Variants in AGBL2 observed in about 807,000 individuals in gnomAD.
The protein encoded by AGBL2 is cytosolic carboxypeptidase 2.
Under a neutral mutation model 103.0 loss-of-function variants are expected in AGBL2, and 87 were observed. That is an observed-to-expected ratio of 0.84 (90% confidence interval 0.71 to 1.01). The LOEUF (loss-of-function observed/expected upper bound fraction) is 1.01, where lower values mean the gene tolerates loss of function less well. AGBL2 is among the 50% of genes least tolerant of loss of function. The pLI, the probability that AGBL2 is intolerant of heterozygous loss-of-function variation, is 0.00. For missense variants in AGBL2, 904 were observed against 1,023.5 expected, an observed-to-expected ratio of 0.88 and a Z score of 1.59; for synonymous variants, 335 against 356.7, an observed-to-expected ratio of 0.94 and a Z score of 0.69.
intron 14 of AGBL2, among the ~76,000 whole-genome samples, chr11:47,670,903 G>A (rs1304009499): frequency 2.6e-5 from 4 of 151,926 alleles, no homozygotes; most frequent in Non-Finnish European, 5.9e-5. Flanking sequence ...GTTGAGCTGG[G>A]AGGATCATTT....
chr11:47,708,269 A>T (rs11819816), intron 4 of AGBL2, among the ~76,000 whole-genome samples: 140,817 of 151,420 alleles, frequency 0.93, 66,352 homozygotes, highest in East Asian at 1. Context: ...GGTTTCACCA[A>T]ATTGGCCAGG....
chr11:47,707,452 C>T (rs780494870), intron 4 of AGBL2, among the ~76,000 whole-genome samples: 5 of 152,152 alleles, frequency 3.3e-5, no homozygotes, highest in Non-Finnish European at 7.4e-5. Context: ...AAATAAATGG[C>T]ACCAGGCCAA....
chr11:47,685,201 C>T (rs71452745), intron 11 of AGBL2, among the ~76,000 whole-genome samples: 6,195 of 151,354 alleles, frequency 0.041, 194 homozygotes, highest in Non-Finnish European at 0.067. Flanking sequence ...AGCGAGACTC[C>T]GTCTCAAAAA....
Position 47,707,239 on chromosome 11 carries a change from A to G in AGBL2, c.233-1322T>C, listed in dbSNP as rs543861961. Among the ~76,000 whole-genome samples the G allele has an allele frequency of 2.1e-4, 32 of 152,248 alleles. No individual in the cohort carries two copies. The East Asian group carries it at 5.8e-3, about 28-fold the overall frequency. On this transcript the variant is annotated intron_variant, in intron 4 of 18. Coordinates refer to ENST00000525123, the MANE Select transcript of AGBL2 (RefSeq NM_024783.4). ...GTGTAAGCAAACGTATAAGATACAT[A>G]CCTGAAAAGGGAAATACTACATCAA...
At chr11:47,698,168 ATTTTT>A (rs35161992) in intron 8 of AGBL2, among the ~76,000 whole-genome samples, 7 of 79,836 alleles carry the variant, frequency 8.8e-5, no homozygotes, top group African/African-American at 1.6e-4. Flanking sequence ...AGTCTACATA[ATTTTT>A]TTTTTTTTTT....
intron 10 of AGBL2, among the ~76,000 whole-genome samples, chr11:47,688,739 T>C (rs190970726): frequency 6.6e-6 from 1 of 152,178 alleles, no homozygotes; most frequent in Non-Finnish European, 1.5e-5. Flanking sequence ...AAAACAGGTC[T>C]CAAACTCAGG....
chr11:47,686,446 G>GTTTT (rs1565044623), intron 10 of AGBL2, among the ~76,000 whole-genome samples: 2 of 128,060 alleles, frequency 1.6e-5, no homozygotes, highest in South Asian at 2.4e-4. Flanking sequence ...TTTTGTTTCT[G>GTTTT]GTTTTTTTTT....
At chr11:47,705,657 A>AAT in intron 5 of AGBL2, 23 bp from the exon 6 acceptor site, 1 of 555,378 alleles carries the variant, frequency 1.8e-6, no homozygotes, top group Non-Finnish European at 3.2e-6. Context: ...AAAAAAAAAA[A>AAT]GAAAAAGAAA....
intron 8 of AGBL2, among the ~76,000 whole-genome samples, chr11:47,695,845 ATTTC>A (rs2097467500): frequency 6.6e-6 from 1 of 151,570 alleles, no homozygotes; most frequent in East Asian, 1.9e-4. Context: ...TATTGGTATT[ATTTC>A]ATCTTTAAAT....
At chr11:47,678,884 C>T (rs2097389190) in intron 13 of AGBL2, among the ~76,000 whole-genome samples, 2 of 148,812 alleles carry the variant, frequency 1.3e-5, no homozygotes, top group African/African-American at 5.0e-5. Context: ...ATGGTGAAAC[C>T]CCATCTGTAC....
chr11:47,696,048 A>AAT (rs2097471287), intron 8 of AGBL2, among the ~76,000 whole-genome samples: 1 of 144,552 alleles, frequency 6.9e-6, no homozygotes, highest in African/African-American at 2.6e-5. Context: ...AAAAAAAAAA[A>AAT]TTAGCTGGGC....
At chr11:47,691,014 G>A (rs750545769) in intron 9 of AGBL2, among the ~76,000 whole-genome samples, 156 bp from the exon 10 acceptor site, 11 of 151,736 alleles carry the variant, frequency 7.2e-5, no homozygotes, top group Non-Finnish European at 1.6e-4. Context: ...AGCACTTTGG[G>A]AGGCTGAGGC....
intron 4 of AGBL2, among the ~76,000 whole-genome samples, chr11:47,706,284 A>T (rs989609976): frequency 6.6e-6 from 1 of 152,100 alleles, no homozygotes; most frequent in Admixed American, 6.6e-5. Flanking sequence ...TGGGAGGCTG[A>T]GGTGGGCGGA....
In AGBL2 at chr11:47,699,493, T is replaced by C; in HGVS notation, c.647A>G (p.Glu216Gly). The C allele has an allele frequency of 6.2e-7, 1 of 1,610,702 alleles. No individual in the cohort carries two copies. Among genetic ancestry groups the C allele is most frequent in the Non-Finnish European group, 8.5e-7 (1 of 1,178,080 alleles). ...YQPKGNEKVP[E>G]IVGEKKGTVV... ...TGTTCCTTTTTTCTCTCCTACAATC[T>C]CTGGTACCTTTTCATTTCCTTTAGG... Residue 216 changes from glutamate to glycine, a missense_variant, in exon 8 of 19, where the codon GAG (glutamate) becomes GGG (glycine). Physicochemically the swap from Glu to Gly is moderately conservative, Grantham distance 98 (BLOSUM62 -2). Transcript: ENST00000525123.
At chr11:47,686,980 T>C (rs866855934) in intron 10 of AGBL2, among the ~76,000 whole-genome samples, 6 of 15,024 alleles carry the variant, frequency 4.0e-4, no homozygotes, top group Admixed American at 1.8e-3. Context: ...AAAAAAAAAA[T>C]GGTGGGGGGA....
At chr11:47,667,476 T>G in intron 16 of AGBL2, 95 bp downstream of exon 16, 1 of 1,432,528 alleles carries the variant, frequency 7.0e-7, no homozygotes, top group South Asian at 1.3e-5. Context: ...CTCCATCCCC[T>G]TTTTGGTTTA....
intron 17 of AGBL2, among the ~76,000 whole-genome samples, chr11:47,664,360 C>A (rs2097335543): frequency 6.6e-6 from 1 of 152,016 alleles, no homozygotes; most frequent in African/African-American, 2.4e-5. Context: ...GATTCTCCCA[C>A]CTCAGCCTCC....
chr11:47,690,844 T>A lies in AGBL2; in HGVS notation c.863A>T (p.Tyr288Phe), dbSNP rs2097442401. Residue 288 changes from tyrosine to phenylalanine, a missense_variant, in exon 10 of 19, where the codon TAT becomes TTT. Physicochemically the swap from Tyr to Phe is conservative, Grantham distance 22. Coordinates refer to ENST00000525123, the MANE Select transcript of AGBL2 (RefSeq NM_024783.4). ...QKAVRVDTYE[Y>F]ELTLRTDLYT... ...GAGGTCAGTTCGCAAGGTGAGTTCA[T>A]ACTCATAGGTGTCTCTGTAATGGAG... The A allele has an allele frequency of 1.9e-6, 3 of 1,609,850 alleles. No individual in the cohort carries two copies. The highest frequency in any genetic ancestry group is 2.5e-6 in the Non-Finnish European group (3 of 1,179,602).
chr11:47,714,422 G>C, intron 2 of AGBL2, 75 bp from the exon 3 acceptor site: 1 of 1,448,684 alleles, frequency 6.9e-7, no homozygotes, highest in East Asian at 2.3e-5. Context: ...GTACATGAGC[G>C]TTGTTGCATA....
Sources: allele counts gnomAD v4.1 joint callset (sites outside exome capture counted in the v4.1 genomes callset), GRCh38; gene constraint gnomAD v4.1.1; transcripts MANE v1.5; gene names NCBI Gene and HGNC (gene_info 2026-07-23, HGNC 2026-07-21).